MYCT1: variants seen among roughly 807,000 people sequenced by gnomAD.
The protein encoded by MYCT1 is MYC target 1, also known as myc target protein 1.
In MYCT1, 12 loss-of-function variants were observed where a neutral mutation model predicts 15.0. The ratio of observed to expected loss-of-function variants is 0.80; its 90% CI spans 0.51 to 1.29. The LOEUF (loss-of-function observed/expected upper bound fraction) is 1.29, where lower values mean the gene tolerates loss of function less well. Among genes scored for constraint, MYCT1 ranks in the 50% most tolerant of loss-of-function variants. The probability of loss-of-function intolerance (pLI) is 0.00; values close to 1 mark genes in which losing one functional copy is unlikely to be tolerated. For synonymous variants in MYCT1, 104 were observed against 102.7 expected, an observed-to-expected ratio of 1.01 and a Z score of -0.07; for missense variants, 287 against 279.1, an observed-to-expected ratio of 1.03 and a Z score of -0.20.
the MYCT1 span, among the ~76,000 whole-genome samples, chr6:152,735,817 T>G: frequency 6.6e-6 from 1 of 152,108 alleles, no homozygotes; most frequent in Admixed American, 6.6e-5. Flanking sequence ...TCAGGCACAC[T>G]CAGGGTGGTA....
At chr6:152,733,366 A>T in the MYCT1 span, among the ~76,000 whole-genome samples, 1 of 152,050 alleles carries the variant, frequency 6.6e-6, no homozygotes, top group Non-Finnish European at 1.5e-5. Context: ...GCCTCCCAAA[A>T]TGCTGGGATT....
chr6:152,702,784 ATATTAATAGTC>A (rs2099721548), intron 1 of MYCT1, among the ~76,000 whole-genome samples: 1 of 152,226 alleles, frequency 6.6e-6, no homozygotes, highest in Non-Finnish European at 1.5e-5. Context: ...TCTGTGTTGC[ATATTAATAGTC>A]TATTCATTAG....
chr6:152,742,068 T>C, the MYCT1 span, among the ~76,000 whole-genome samples: 2 of 152,232 alleles, frequency 1.3e-5, no homozygotes, highest in Admixed American at 1.3e-4. Context: ...CTGAAATAGT[T>C]ACTGAGCACC....
At chr6:152,706,394 A>AGCCAC (rs1407941938) in intron 1 of MYCT1, among the ~76,000 whole-genome samples, 3 of 152,198 alleles carry the variant, frequency 2.0e-5, no homozygotes, top group Non-Finnish European at 4.4e-5. Flanking sequence ...TGAGTACAAG[A>AGCCAC]GCCACGTACA....
Position 152,721,958 on chromosome 6 carries a change from G to A in MYCT1, c.413G>A (p.Ser138Asn), listed in dbSNP as rs765174989. 1 of 1,614,134 alleles carries A rather than the reference G, an allele frequency of 6.2e-7. No individual in the cohort carries two copies. Among genetic ancestry groups the A allele is most frequent in the Admixed American group, 1.7e-5 (1 of 60,022 alleles). ...GGCTGTGAACGTCGAAGCAACCTCAGCCTGGCCAGTCTCACCTTCCAGCGA... is the reference window on the plus strand; with the variant it reads ...GGCTGTGAACGTCGAAGCAACCTCAACCTGGCCAGTCTCACCTTCCAGCGA... The part of the protein sequence containing the change: ...HSGCERRSNL[S>N]LASLTFQRQA... Residue 138 changes from serine (S) to asparagine (N), a missense_variant, in exon 2 of 2, where the codon AGC becomes AAC. Physicochemically the swap from Ser to Asn is conservative, Grantham distance 46. Transcript: ENST00000367245.
the MYCT1 span, among the ~76,000 whole-genome samples, chr6:152,739,247 C>G: frequency 6.6e-6 from 1 of 151,074 alleles, no homozygotes; most frequent in Non-Finnish European, 1.5e-5. Flanking sequence ...TTAAAATATT[C>G]TACAAGTAGT....
At chr6:152,707,444 A>G (rs893995303) in intron 1 of MYCT1, among the ~76,000 whole-genome samples, 2 of 152,032 alleles carry the variant, frequency 1.3e-5, no homozygotes, top group African/African-American at 2.4e-5. Context: ...ATTTTCTCTC[A>G]TTCTGTAGGC....
chr6:152,738,704 C>G, the MYCT1 span, among the ~76,000 whole-genome samples: 1 of 152,000 alleles, frequency 6.6e-6, no homozygotes, highest in African/African-American at 2.4e-5. Context: ...ATAGTATGTG[C>G]TTAAAAGAAA....
At chr6:152,740,634 T>C in the MYCT1 span, among the ~76,000 whole-genome samples, 1 of 152,232 alleles carries the variant, frequency 6.6e-6, no homozygotes, top group Non-Finnish European at 1.5e-5. Context: ...TTTCAGTAAG[T>C]TACTCTCTTC....
At chr6:152,714,770 C>T (rs2099723340) in intron 1 of MYCT1, among the ~76,000 whole-genome samples, 1 of 151,150 alleles carries the variant, frequency 6.6e-6, no homozygotes. Context: ...CTTAGGATGA[C>T]TTGTAATTTA....
downstream of MYCT1, among the ~76,000 whole-genome samples, chr6:152,729,512 A>G (rs554643708): frequency 6.6e-6 from 1 of 152,274 alleles, no homozygotes; most frequent in East Asian, 1.9e-4. Context: ...CTTATCACCA[A>G]AGTAGCTTGC....
chr6:152,702,468 C>T (rs1172854714), intron 1 of MYCT1, among the ~76,000 whole-genome samples: 1 of 152,148 alleles, frequency 6.6e-6, no homozygotes, highest in African/African-American at 2.4e-5. Context: ...TGCTAACAGA[C>T]TTAATTCTCT....
At position 152,697,973 on chromosome 6, in the gene MYCT1, T is replaced by C. The variant is rs758289507; in HGVS notation, c.71T>C (p.Ile24Thr). The change falls in exon 1 of 2, where the codon ATC (isoleucine) becomes ACC (threonine). Residue 24 changes from isoleucine to threonine, a missense_variant. Physicochemically the swap from Ile to Thr is moderately conservative, Grantham distance 89 (BLOSUM62 -1). Transcript: ENST00000367245. ...CTTGCTGTACTACAAAGAGATAGAA[T>C]CAAACTGCTTTTTTTCGACATACTG... ...FSLAVLQRDRIKLLFFDILVF... is the reference protein window; with the variant it reads ...FSLAVLQRDRTKLLFFDILVF... 3.2e-5 allele frequency: 51 copies of C among 1,603,898 alleles called. No individual in the cohort carries two copies. In the Admixed American group the frequency reaches 7.7e-4, roughly 24 times the overall value.
chr6:152,708,748 T>C (rs941522379), intron 1 of MYCT1, among the ~76,000 whole-genome samples: 6 of 152,100 alleles, frequency 3.9e-5, no homozygotes, highest in Admixed American at 6.6e-5. Flanking sequence ...TTCTTAAAGA[T>C]CCCAGTTTTC....
chr6:152,734,926 C>T, the MYCT1 span, among the ~76,000 whole-genome samples: 1 of 152,126 alleles, frequency 6.6e-6, no homozygotes, highest in African/African-American at 2.4e-5. Flanking sequence ...CTGAAAAATG[C>T]ATTTACTGGA....
intron 1 of MYCT1, among the ~76,000 whole-genome samples, chr6:152,706,872 T>TGTATGC (rs1330465290): frequency 1.3e-5 from 2 of 151,916 alleles, no homozygotes; most frequent in Non-Finnish European, 2.9e-5. Flanking sequence ...TGTGTGTGTG[T>TGTATGC]GTATGCATAT....
At chr6:152,730,722 G>A in the MYCT1 span, among the ~76,000 whole-genome samples, 3 of 152,088 alleles carry the variant, frequency 2.0e-5, no homozygotes, top group South Asian at 6.2e-4. Flanking sequence ...GAATCTACTA[G>A]ATACCACAAT....
intron 1 of MYCT1, among the ~76,000 whole-genome samples, chr6:152,715,300 C>T (rs939674706): frequency 6.6e-6 from 1 of 152,116 alleles, no homozygotes; most frequent in Non-Finnish European, 1.5e-5. Context: ...GGGTGTGCTA[C>T]CTTGATACTT....
At chr6:152,734,780 C>T in the MYCT1 span, among the ~76,000 whole-genome samples, 188 of 152,178 alleles carry the variant, frequency 1.2e-3, no homozygotes, top group Non-Finnish European at 2.3e-3. Flanking sequence ...TCTCTGATTG[C>T]TCACTCAGGC....
Sources: gnomAD v4.1 joint callset for allele counts (sites outside exome capture counted in the v4.1 genomes callset) on GRCh38, gnomAD v4.1.1 for gene constraint, MANE v1.5 for transcripts, NCBI Gene and HGNC (gene_info 2026-07-23, HGNC 2026-07-21) for gene names.